ECT2L: variants seen among roughly 807,000 people sequenced by gnomAD.
The protein encoded by ECT2L is epithelial cell-transforming sequence 2 oncogene-like.
Under a neutral mutation model 122.8 loss-of-function variants are expected in ECT2L, and 126 were observed. The ratio of observed to expected loss-of-function variants is 1.03; its 90% CI spans 0.89 to 1.19. ECT2L has a LOEUF of 1.19. ECT2L is among the 50% of genes most tolerant of loss of function. ECT2L has a pLI of 0.00. For synonymous variants in ECT2L, 385 were observed against 381.8 expected (o/e 1.01, Z -0.10); for missense variants, 1,012 against 1,064.1 (o/e 0.95, Z 0.68).
intron 20 of ECT2L, among the ~76,000 whole-genome samples, chr6:138,892,828 C>G (rs73559434): frequency 6.6e-6 from 1 of 151,966 alleles, no homozygotes; most frequent in Non-Finnish European, 1.5e-5. Context: ...ATAGCAGACA[C>G]GATGTGTCAG....
At chr6:138,866,093 A>C (rs1457870505) in intron 12 of ECT2L, among the ~76,000 whole-genome samples, 2 of 152,022 alleles carry the variant, frequency 1.3e-5, no homozygotes, top group African/African-American at 4.8e-5. Flanking sequence ...GGAGGTGTTC[A>C]ACCATTATTT....
intron 11 of ECT2L, among the ~76,000 whole-genome samples, chr6:138,864,031 C>G (rs1178468369): frequency 2.0e-5 from 1 of 49,062 alleles, no homozygotes; most frequent in African/African-American, 1.0e-4. Flanking sequence ...AAAAAAAAAG[C>G]ATGTTGTGGC....
chr6:138,895,143 A>T (rs1354365310), intron 20 of ECT2L, among the ~76,000 whole-genome samples: 1 of 152,174 alleles, frequency 6.6e-6, no homozygotes, highest in Non-Finnish European at 1.5e-5. Flanking sequence ...AAAAGATATC[A>T]CACAATACTT....
chr6:138,828,943 A>G (rs1235328440), intron 4 of ECT2L, among the ~76,000 whole-genome samples: 1 of 151,892 alleles, frequency 6.6e-6, no homozygotes. Context: ...TTCTTTTGAC[A>G]TGTTAATTTC....
intron 15 of ECT2L, among the ~76,000 whole-genome samples, chr6:138,881,636 T>C (rs1448498814): frequency 6.6e-6 from 1 of 151,756 alleles, no homozygotes; most frequent in Non-Finnish European, 1.5e-5. Flanking sequence ...TGCAACTAGA[T>C]GGTCCCGTCT....
chr6:138,816,894 T>C (rs1457184319), intron 4 of ECT2L, among the ~76,000 whole-genome samples: 1 of 152,202 alleles, frequency 6.6e-6, no homozygotes, highest in African/African-American at 2.4e-5. Flanking sequence ...CATCACATGT[T>C]AAGTTTAGAC....
intron 20 of ECT2L, among the ~76,000 whole-genome samples, chr6:138,891,867 T>C (rs1297572512): frequency 1.3e-5 from 2 of 152,228 alleles, no homozygotes; most frequent in Non-Finnish European, 2.9e-5. Context: ...TTGTATTCTC[T>C]GAAATGACGA....
At chr6:138,827,939 A>G (rs1431205493) in intron 4 of ECT2L, among the ~76,000 whole-genome samples, 1 of 69,600 alleles carries the variant, frequency 1.4e-5, no homozygotes, top group African/African-American at 5.8e-5. Flanking sequence ...TTTATAAAGG[A>G]CTATTTTTTT....
At position 138,816,679 on chromosome 6, in the gene ECT2L, G is replaced by A. The variant is rs187740025; in HGVS notation, c.179+2076G>A. 6.6e-5 allele frequency among the ~76,000 whole-genome samples: 10 copies of A among 152,184 alleles called. No individual in the cohort carries two copies. In the East Asian group the frequency reaches 1.9e-3, roughly 29 times the overall value. On this transcript the variant is annotated intron_variant, in intron 4 of 21. Transcript: ENST00000541398. ...TTTTTGTATTTTTAGTAGAGATGGG[G>A]TTTCACCGTGTTAGCCAGGATGGTC... is the stretch of plus-strand genomic sequence containing the variant.
At chr6:138,846,075 A>AT (rs60009559) in intron 7 of ECT2L, among the ~76,000 whole-genome samples, 43 of 147,804 alleles carry the variant, frequency 2.9e-4, no homozygotes, top group South Asian at 6.5e-4. Context: ...TGTCACTTAA[A>AT]TTTTTTTTTT....
chr6:138,849,456 TG>T (rs1182915911), intron 9 of ECT2L, 22 bp downstream of exon 9: 1 of 1,604,624 alleles, frequency 6.2e-7, no homozygotes, highest in Non-Finnish European at 8.5e-7. Context: ...GATTGGCGGA[TG>T]AACAACCATG....
At chr6:138,825,191 ATGACTGTTCTATC>A (rs970621597) in intron 4 of ECT2L, among the ~76,000 whole-genome samples, 2 of 152,222 alleles carry the variant, frequency 1.3e-5, no homozygotes, top group African/African-American at 4.8e-5. Context: ...GACTCAGAGA[ATGACTGTTCTATC>A]TGGATGGGAC....
intron 10 of ECT2L, among the ~76,000 whole-genome samples, chr6:138,860,760 G>A (rs997863099): frequency 3.5e-5 from 5 of 142,896 alleles, no homozygotes; most frequent in Non-Finnish European, 7.5e-5. Context: ...TGCAGTGTGT[G>A]TAGCTTTGTT....
At chr6:138,865,234 C>A in intron 12 of ECT2L, 56 bp downstream of exon 12, 1 of 1,483,046 alleles carries the variant, frequency 6.7e-7, no homozygotes, top group South Asian at 1.4e-5. Flanking sequence ...TTTCATATCC[C>A]GAGTAAATAC....
At chr6:138,837,761 T>G (rs1776891312) in intron 4 of ECT2L, among the ~76,000 whole-genome samples, 1 of 152,144 alleles carries the variant, frequency 6.6e-6, no homozygotes, top group Non-Finnish European at 1.5e-5. Context: ...TGTTTTAAAT[T>G]GATAGTGAAA....
chr6:138,870,665 C>CT (rs149378231), intron 13 of ECT2L, among the ~76,000 whole-genome samples: 44,708 of 151,502 alleles, frequency 0.3, 7,143 homozygotes, highest in Admixed American at 0.39. Context: ...AAGAATAGTT[C>CT]TTTTTTTTCT....
chr6:138,846,426 G>C, intron 7 of ECT2L, 113 bp from the exon 8 acceptor site: 1 of 984,822 alleles, frequency 1.0e-6, no homozygotes, highest in Non-Finnish European at 1.4e-6. Flanking sequence ...CTAAGGCATG[G>C]AGGCCACGTG....
rs551922882 is a variant in ECT2L at position 138,814,653 on chromosome 6, T to C, written c.179+50T>C. On this transcript the variant is annotated intron_variant, in intron 4 of 21. Transcript: ENST00000541398. ...TAACATTGATTCTTAAAGAAAACCGTATATAAATGTTTATATAACCTTTAA... is the reference window on the plus strand; with the variant it reads ...TAACATTGATTCTTAAAGAAAACCGCATATAAATGTTTATATAACCTTTAA... 7.8e-6 allele frequency: 9 copies of C among 1,149,094 alleles called. No individual in the cohort carries two copies. The South Asian group carries it at 1.1e-4, about 14-fold the overall frequency. 71.2% of individuals were successfully genotyped at this position (1,149,094 alleles called of 1,614,324 possible).
intron 12 of ECT2L, among the ~76,000 whole-genome samples, chr6:138,867,655 CAAA>C (rs71009601): frequency 4.2e-4 from 48 of 114,424 alleles, no homozygotes; most frequent in African/African-American, 1.4e-3. Flanking sequence ...CCTAAAACTA[CAAA>C]AAAAAAAAAA....
Sources: allele counts gnomAD v4.1 joint callset (sites outside exome capture counted in the v4.1 genomes callset), GRCh38; gene constraint gnomAD v4.1.1; transcripts MANE v1.5; gene names NCBI Gene and HGNC (gene_info 2026-07-23, HGNC 2026-07-21).